DPY19L3: variants seen among roughly 807,000 people sequenced by gnomAD.
DPY19L3 encodes the protein dpy-19 like C-mannosyltransferase 3, also known as protein C-mannosyl-transferase DPY19L3.
In DPY19L3, 51 loss-of-function variants were observed where a neutral mutation model predicts 92.3. The ratio of observed to expected loss-of-function variants is 0.55; its 90% CI spans 0.44 to 0.70. DPY19L3 has a LOEUF of 0.70. Ranked by LOEUF, DPY19L3 falls within the 30% of genes least tolerant of loss-of-function variation. The probability of loss-of-function intolerance (pLI) is 0.00; values close to 1 mark genes in which losing one functional copy is unlikely to be tolerated. For missense variants in DPY19L3, 706 were observed against 855.9 expected, an observed-to-expected ratio of 0.82 and a Z score of 2.18; for synonymous variants, 309 against 315.2, an observed-to-expected ratio of 0.98 and a Z score of 0.21.
At chr19:32,420,062 C>G (rs1599595637) in intron 3 of DPY19L3, among the ~76,000 whole-genome samples, 1 of 151,420 alleles carries the variant, frequency 6.6e-6, no homozygotes, top group South Asian at 2.1e-4. Context: ...GTTTCACCAT[C>G]TTGGCCAGGA....
chr19:32,467,609 C>T (rs1330459307), intron 15 of DPY19L3: 1 of 987,498 alleles, frequency 1.0e-6, no homozygotes, highest in Admixed American at 6.1e-5. Context: ...GTCTCAAACA[C>T]AGCCAGAGAT....
chr19:32,408,893 A>G (rs1399825987), intron 2 of DPY19L3, among the ~76,000 whole-genome samples: 1 of 151,920 alleles, frequency 6.6e-6, no homozygotes, highest in Non-Finnish European at 1.5e-5. Flanking sequence ...ATCAGATAGC[A>G]TTAATTACCA....
At position 32,480,489 on chromosome 19, in the gene DPY19L3, A is replaced by T. The variant is rs372918890; in HGVS notation, c.1921A>T (p.Ile641Phe). Residue 641 changes from isoleucine (I) to phenylalanine (F), a missense_variant, in exon 18 of 19, where the codon ATC becomes TTC. Ile to Phe is a conservative substitution (Grantham distance 21, BLOSUM62 0). Coordinates refer to ENST00000392250, the MANE Select transcript of DPY19L3 (RefSeq NM_001172774.2). ...GTDYVILEDS[I>F]CYERRHRRGC... ...TGACTACGTAATCCTGGAAGACAGC[A>T]TCTGCTACGAGCGGAGGCACCGCCG... 3.1e-6 allele frequency: 5 copies of T among 1,614,084 alleles called. No homozygotes were observed. The highest frequency in any genetic ancestry group is 4.2e-6 in the Non-Finnish European group (5 of 1,180,038).
At position 32,432,760 on chromosome 19, in the gene DPY19L3, T is replaced by G. The variant is rs1424092492; in HGVS notation, c.282T>G (p.Tyr94Ter). The change falls in exon 4 of 19, where the codon TAT (tyrosine) becomes TAG (stop). Residue 94 changes from tyrosine (Y) to a stop codon, truncating the protein, a stop_gained. Coordinates refer to ENST00000392250, the MANE Select transcript of DPY19L3 (RefSeq NM_001172774.2). LOFTEE classifies it high-confidence loss of function. ...CATTCAGAACAGAGTGTGGCCTGTA[T>G]TACTCCTACTACAAGCAGATGCTGC... ...EISFRTECGL[Y>*]YSYYKQMLQA... The G allele has an allele frequency of 1.2e-6, 2 of 1,613,948 alleles. No individual in the cohort carries two copies. The highest frequency in any genetic ancestry group is 2.2e-5 in the South Asian group (2 of 91,070).
chr19:32,469,787 TAAC>T (rs916152432), intron 16 of DPY19L3, among the ~76,000 whole-genome samples: 9 of 152,218 alleles, frequency 5.9e-5, no homozygotes, highest in African/African-American at 2.2e-4. Flanking sequence ...AAAGCTTTAT[TAAC>T]AAAACCTGCC....
rs866398536 is a variant in DPY19L3, at chr19:32,454,356, C to T, written c.988-583C>T. Among the ~76,000 whole-genome samples, 7 of 152,128 alleles carry T rather than the reference C, an allele frequency of 4.6e-5. No individual in the cohort carries two copies. In the Middle Eastern group the frequency reaches 0.014, roughly 296 times the overall value. On this transcript the variant is annotated intron_variant, in intron 9 of 18. Transcript: ENST00000392250. Reference sequence around the variant, plus strand: ...TTGGGAGGCCAAGGCTGGCAGATCACGAGGTCAGGAAATTGAGACCATGCT... The same window carrying T: ...TTGGGAGGCCAAGGCTGGCAGATCATGAGGTCAGGAAATTGAGACCATGCT...
intron 2 of DPY19L3, among the ~76,000 whole-genome samples, chr19:32,409,353 A>G (rs1381284449): frequency 2.0e-5 from 3 of 152,246 alleles, no homozygotes; most frequent in Non-Finnish European, 4.4e-5. Context: ...TGTTATGAAC[A>G]TGTCATAAGC....
intron 13 of DPY19L3, 22 bp downstream of exon 13, chr19:32,463,510 GT>G (rs765623893): frequency 1.9e-6 from 3 of 1,604,428 alleles, no homozygotes. Flanking sequence ...TTACCTGTTT[GT>G]TTACTTTTTA....
intron 8 of DPY19L3, among the ~76,000 whole-genome samples, chr19:32,448,527 G>A (rs1744789304): frequency 6.6e-6 from 1 of 152,192 alleles, no homozygotes; most frequent in Non-Finnish European, 1.5e-5. Context: ...TATTTTGTAT[G>A]TGATGCATTA....
chr19:32,411,758 G>A (rs1039172013), intron 3 of DPY19L3: 1 of 212,310 alleles, frequency 4.7e-6, no homozygotes, highest in Admixed American at 5.7e-5. Context: ...ACTAGAGACG[G>A]GGTTTCAGCA....
At chr19:32,452,947 C>G (rs1285482722) in intron 8 of DPY19L3, among the ~76,000 whole-genome samples, 198 bp from the exon 9 acceptor site, 1 of 151,252 alleles carries the variant, frequency 6.6e-6, no homozygotes, top group Non-Finnish European at 1.5e-5. Flanking sequence ...CTCAGGTGAT[C>G]CCACCCGCCT....
intron 15 of DPY19L3, chr19:32,467,997 CT>C: frequency 1.0e-6 from 1 of 984,964 alleles, no homozygotes; most frequent in Non-Finnish European, 1.2e-6. Flanking sequence ...ATATTATTCT[CT>C]TTCATTGTAC....
chr19:32,441,494 CTTTT>C (rs11326098), intron 8 of DPY19L3, among the ~76,000 whole-genome samples: 9 of 130,212 alleles, frequency 6.9e-5, no homozygotes, highest in East Asian at 2.2e-4. Context: ...ACATGTGTCT[CTTTT>C]TTTTTTTTTT....
intron 5 of DPY19L3, 25 bp from the exon 6 acceptor site, chr19:32,437,169 C>T (rs1229934408): frequency 6.2e-7 from 1 of 1,613,282 alleles, no homozygotes; most frequent in Non-Finnish European, 8.5e-7. Context: ...ACCTGACAAA[C>T]ATGTTTTATT....
chr19:32,468,837 T>A (rs1248471205), intron 16 of DPY19L3, 24 bp downstream of exon 16: 2 of 1,607,132 alleles, frequency 1.2e-6, no homozygotes, highest in Non-Finnish European at 1.7e-6. Flanking sequence ...TTTTAACTTT[T>A]AAAATTTTAA....
intron 9 of DPY19L3, among the ~76,000 whole-genome samples, chr19:32,454,505 C>T (rs1382680187): frequency 3.3e-5 from 5 of 152,066 alleles, no homozygotes; most frequent in East Asian, 1.9e-4. Flanking sequence ...ACCCAGGAGG[C>T]GGAGCTTGCA....
chr19:32,446,163 A>G (rs1252645832), intron 8 of DPY19L3, among the ~76,000 whole-genome samples: 1 of 152,274 alleles, frequency 6.6e-6, no homozygotes, highest in Non-Finnish European at 1.5e-5. Context: ...TAAAATGTCT[A>G]TACCACTAGT....
chr19:32,430,891 G>A (rs908583224), intron 3 of DPY19L3, among the ~76,000 whole-genome samples: 5 of 150,344 alleles, frequency 3.3e-5, no homozygotes, highest in African/African-American at 1.2e-4. Context: ...GCCTCCCAAA[G>A]TGCATGGCTA....
At chr19:32,410,850 T>C (rs947445071) in intron 2 of DPY19L3, among the ~76,000 whole-genome samples, 1 of 152,262 alleles carries the variant, frequency 6.6e-6, no homozygotes, top group Non-Finnish European at 1.5e-5. Context: ...AGCCACCAAT[T>C]GTACCTAGAT....
Sources: gnomAD v4.1 joint callset for allele counts (sites outside exome capture counted in the v4.1 genomes callset) on GRCh38, gnomAD v4.1.1 for gene constraint, MANE v1.5 for transcripts, NCBI Gene and HGNC (gene_info 2026-07-23, HGNC 2026-07-21) for gene names.